Variants in TMEM135 observed in about 807,000 individuals in gnomAD.
TMEM135 encodes the protein transmembrane protein 135.
In TMEM135, 30 loss-of-function variants were observed where a neutral mutation model predicts 60.3. That is an observed-to-expected ratio of 0.50 (90% CI 0.37 to 0.68). The LOEUF is 0.68. Among genes scored for constraint, TMEM135 ranks in the 30% least tolerant of loss-of-function variants. TMEM135 has a pLI of 0.00. For missense variants in TMEM135, 468 were observed against 548.8 expected (o/e 0.85, Z 1.47); for synonymous variants, 190 against 186.7 (o/e 1.02, Z -0.14).
rs772899632 is a variant in TMEM135, at chr11:87,295,744, A to G, written c.510-38A>G. On this transcript the variant is annotated intron_variant, in intron 6 of 14. Coordinates refer to ENST00000305494, the MANE Select transcript of TMEM135 (RefSeq NM_022918.4). ...ATTGAATAGGTACTTGTATCTCAAA[A>G]TATGTTATTTTATGATTGTAAATTC... 4.5e-6 allele frequency: 7 copies of G among 1,553,982 alleles called. No homozygotes were observed. In the East Asian group the frequency reaches 9.0e-5, roughly 20 times the overall value.
chr11:87,199,491 A>G (rs1033431310), intron 5 of TMEM135, among the ~76,000 whole-genome samples: 1 of 152,242 alleles, frequency 6.6e-6, no homozygotes, highest in Non-Finnish European at 1.5e-5. Flanking sequence ...CTGACTGAGC[A>G]ATAATTTGCT....
At chr11:87,067,938 C>A in intron 2 of TMEM135, 117 bp downstream of exon 2, 1 of 1,272,110 alleles carries the variant, frequency 7.9e-7, no homozygotes, top group Non-Finnish European at 1.1e-6. Context: ...TTTTTTTAAT[C>A]TGTGAAGTGA....
At chr11:87,171,086 A>G (rs1228711744) in intron 5 of TMEM135, among the ~76,000 whole-genome samples, 1 of 152,134 alleles carries the variant, frequency 6.6e-6, no homozygotes, top group African/African-American at 2.4e-5. Flanking sequence ...GTTAGGAGAA[A>G]CAATATGAAA....
intron 3 of TMEM135, 45 bp from the exon 4 acceptor site, chr11:87,091,316 TA>T: frequency 6.6e-7 from 1 of 1,522,026 alleles, no homozygotes; most frequent in Middle Eastern, 2.0e-4. Flanking sequence ...AAGTGATTAC[TA>T]AGTCAAATTG....
rs57019125 is a variant in TMEM135, at chr11:87,099,682, GT to G, written c.396+8307del. 3.4e-3 allele frequency among the ~76,000 whole-genome samples: 376 copies of G among 109,376 alleles called. 3 individuals carry two copies. The highest frequency in any genetic ancestry group is 0.011 in the South Asian group (37 of 3,260). The allele number at this position is 109,376 out of a possible 152,430, so 71.8% of individuals were successfully genotyped here. A position where few individuals can be genotyped will look rare whatever the true frequency, so the allele number is the denominator to read the frequency against. On this transcript the variant is annotated intron_variant, in intron 4 of 14. Coordinates refer to ENST00000305494, the MANE Select transcript of TMEM135 (RefSeq NM_022918.4). ...TATTGTGGTTACATGTTTCATGGTG[GT>G]TTTTTTTTTTTTTTTTTTTGAGGCA...
chr11:87,154,942 G>A (rs1017254951), intron 4 of TMEM135, among the ~76,000 whole-genome samples: 2 of 152,210 alleles, frequency 1.3e-5, no homozygotes, highest in East Asian at 1.9e-4. Flanking sequence ...TTTGTTGATA[G>A]AGTCCTTTGA....
At chr11:87,294,549 A>G (rs1390918481) in intron 6 of TMEM135, among the ~76,000 whole-genome samples, 1 of 152,018 alleles carries the variant, frequency 6.6e-6, no homozygotes. Context: ...ACGCCCGGCT[A>G]ATTTTGTATT....
intron 4 of TMEM135, among the ~76,000 whole-genome samples, chr11:87,091,733 G>C (rs1045328250): frequency 6.6e-6 from 1 of 151,906 alleles, no homozygotes; most frequent in Admixed American, 6.6e-5. Context: ...TTCTGCCTCT[G>C]TTGTGATTTC....
At chr11:87,268,110 G>A (rs748811192) in intron 6 of TMEM135, among the ~76,000 whole-genome samples, 23 of 148,234 alleles carry the variant, frequency 1.6e-4, no homozygotes, top group Admixed American at 4.0e-4. Context: ...TTTTTTGCCC[G>A]GCCCTCCCCT....
At chr11:87,275,701 C>T (rs925504740) in intron 6 of TMEM135, among the ~76,000 whole-genome samples, 1 of 151,978 alleles carries the variant, frequency 6.6e-6, no homozygotes. Flanking sequence ...ACTCTTGTTG[C>T]CCAGGCTGGA....
intron 6 of TMEM135, among the ~76,000 whole-genome samples, chr11:87,268,275 T>TTATG (rs1481800546): frequency 2.8e-4 from 42 of 149,924 alleles, no homozygotes; most frequent in South Asian, 6.3e-4. Context: ...ATTTATTTAT[T>TTATG]TATTTATTTA....
chr11:87,085,484 C>T (rs73519223), intron 3 of TMEM135, among the ~76,000 whole-genome samples: 14,480 of 152,150 alleles, frequency 0.095, 723 homozygotes, highest in African/African-American at 0.1. Context: ...GGGCCAGGTG[C>T]GGTGGCTCAT....
rs1236361418 is a variant in TMEM135, at chr11:87,322,351, G to A, written c.*1018G>A. ...TAAAAATCCAGTGGTTGTTTAAAAA[G>A]TCCATTTGTCACTAATTCCATTCAG... On this transcript the variant is annotated 3_prime_UTR_variant, in exon 15 of 15. Coordinates refer to ENST00000305494, the MANE Select transcript of TMEM135 (RefSeq NM_022918.4). The A allele has an allele frequency of 4.4e-6, 2 of 453,912 alleles. No homozygotes were observed. Among genetic ancestry groups the A allele is most frequent in the East Asian group, 1.4e-4 (2 of 14,388 alleles). 28.1% of individuals were successfully genotyped at this position (453,912 alleles called of 1,614,324 possible). A position where few individuals can be genotyped will look rare whatever the true frequency, so the allele number is the denominator to read the frequency against.
In TMEM135 at chr11:87,277,390, C is replaced by G. The variant is rs778869115; in HGVS notation, c.510-18392C>G. On this transcript the variant is annotated intron_variant, in intron 6 of 14. Coordinates refer to ENST00000305494, the MANE Select transcript of TMEM135 (RefSeq NM_022918.4). ...AAGTGATCCACCTGCCTTGGCCTCC[C>G]AAAGTGCTGAGATTACAGGTGTGAG... is the stretch of plus-strand genomic sequence containing the variant. The G allele has an allele frequency of 5.8e-5, 16 of 274,804 alleles. 1 individual carries two copies. The highest frequency in any genetic ancestry group is 4.4e-4 in the South Asian group (15 of 34,024). 17.0% of individuals were successfully genotyped at this position (274,804 alleles called of 1,614,324 possible). A position where few individuals can be genotyped will look rare whatever the true frequency, so the allele number is the denominator to read the frequency against.
intron 5 of TMEM135, among the ~76,000 whole-genome samples, chr11:87,219,281 T>G (rs1940568167): frequency 6.6e-6 from 1 of 152,194 alleles, no homozygotes; most frequent in Non-Finnish European, 1.5e-5. Context: ...AACAAAATAC[T>G]ACAGACTAGA....
chr11:87,152,582 G>T (rs1479344887), intron 4 of TMEM135, among the ~76,000 whole-genome samples: 2 of 152,146 alleles, frequency 1.3e-5, no homozygotes, highest in African/African-American at 2.4e-5. Flanking sequence ...GGGATTACAG[G>T]CATGTGCCAC....
chr11:87,313,109 TG>T (rs2135450816), intron 10 of TMEM135, among the ~76,000 whole-genome samples: 1 of 151,996 alleles, frequency 6.6e-6, no homozygotes. Context: ...GCCAGCTTTT[TG>T]TTCTTGTTAA....
intron 1 of TMEM135, among the ~76,000 whole-genome samples, chr11:87,064,645 G>T (rs1303753581): frequency 6.6e-6 from 1 of 152,214 alleles, no homozygotes; most frequent in Non-Finnish European, 1.5e-5. Context: ...CACTTTGGGA[G>T]GCCGAGGTGG....
intron 5 of TMEM135, among the ~76,000 whole-genome samples, chr11:87,233,150 A>C (rs1940923865): frequency 6.6e-6 from 1 of 152,144 alleles, no homozygotes; most frequent in South Asian, 2.1e-4. Flanking sequence ...AGTCCGTCTC[A>C]AAAAACAAAG....
Sources: gnomAD v4.1 joint callset for allele counts (sites outside exome capture counted in the v4.1 genomes callset) on GRCh38, gnomAD v4.1.1 for gene constraint, MANE v1.5 for transcripts, NCBI Gene and HGNC (gene_info 2026-07-23, HGNC 2026-07-21) for gene names.